SMCHD1: variants seen among roughly 807,000 people sequenced by gnomAD.
SMCHD1 encodes the protein structural maintenance of chromosomes flexible hinge domain containing 1, also known as structural maintenance of chromosomes flexible hinge domain-containing protein 1.
In SMCHD1, 78 loss-of-function variants were observed where a neutral mutation model predicts 254.7. The observed-to-expected ratio is 0.31, with a 90% CI of 0.26 to 0.37. SMCHD1 has a LOEUF of 0.37. Ranked by LOEUF, SMCHD1 falls within the 10% of genes least tolerant of loss-of-function variation. The pLI is 1.00. For missense variants in SMCHD1, 1,840 were observed against 2,408.1 expected (o/e 0.76, Z 4.94); for synonymous variants, 766 against 794.9 (o/e 0.96, Z 0.61).
intron 12 of SMCHD1, chr18:2,701,134 A>T: frequency 2.7e-6 from 1 of 366,194 alleles, no homozygotes; most frequent in East Asian, 4.1e-5. Context: ...AGGTTTGGAT[A>T]GAATTTACAT....
intron 37 of SMCHD1, among the ~76,000 whole-genome samples, chr18:2,766,872 T>C (rs2075877637): frequency 6.6e-6 from 1 of 152,188 alleles, no homozygotes; most frequent in Non-Finnish European, 1.5e-5. Context: ...TCTTGGTAGG[T>C]ATGCATCAGG....
intron 3 of SMCHD1, among the ~76,000 whole-genome samples, chr18:2,667,922 C>T (rs2073483010): frequency 6.6e-6 from 1 of 152,086 alleles, no homozygotes; most frequent in African/African-American, 2.4e-5. Flanking sequence ...CTCTGTCACC[C>T]TGGCTGGAGT....
chr18:2,661,829 G>A (rs2073264388), intron 1 of SMCHD1, among the ~76,000 whole-genome samples: 1 of 152,158 alleles, frequency 6.6e-6, no homozygotes, highest in Non-Finnish European at 1.5e-5. Flanking sequence ...ATTATATGCA[G>A]TTATCGTAGA....
chr18:2,681,128 G>A (rs537356987), intron 5 of SMCHD1, among the ~76,000 whole-genome samples: 22 of 152,092 alleles, frequency 1.4e-4, no homozygotes, highest in African/African-American at 5.1e-4. Flanking sequence ...TTAGCCAGGT[G>A]TAGTCCGGGC....
At chr18:2,778,812 G>A (rs1363666646) in intron 44 of SMCHD1, 1 of 152,358 alleles carries the variant, frequency 6.6e-6, no homozygotes, top group Non-Finnish European at 1.5e-5. Context: ...AAGGATACCA[G>A]TCATACTGGA....
chr18:2,715,095 A>G (rs552813610), intron 17 of SMCHD1, among the ~76,000 whole-genome samples: 5 of 152,202 alleles, frequency 3.3e-5, no homozygotes, highest in African/African-American at 1.2e-4. Flanking sequence ...CCTTTCTTGC[A>G]GTGTTTTTGC....
intron 45 of SMCHD1, among the ~76,000 whole-genome samples, chr18:2,787,470 G>A (rs1183207626): frequency 6.6e-6 from 1 of 152,180 alleles, no homozygotes; most frequent in Non-Finnish European, 1.5e-5. Context: ...GTGGGAAGAG[G>A]AGTCATACTT....
At chr18:2,695,850 G>T (rs1444487198) in intron 8 of SMCHD1, among the ~76,000 whole-genome samples, 2 of 152,040 alleles carry the variant, frequency 1.3e-5, no homozygotes, top group Non-Finnish European at 2.9e-5. Flanking sequence ...TTTGGTTTTA[G>T]GAATACCTTT....
At chr18:2,734,943 C>G (rs1028729386) in intron 25 of SMCHD1, among the ~76,000 whole-genome samples, 5 of 151,740 alleles carry the variant, frequency 3.3e-5, no homozygotes, top group Non-Finnish European at 5.9e-5. Flanking sequence ...TGGTGGCGGG[C>G]ACCTGTGATC....
rs750059350 is a variant in SMCHD1 at position 2,729,287 on chromosome 18, C to G, written c.2926C>G (p.Pro976Ala). 1 of 1,496,270 alleles carries G rather than the reference C, an allele frequency of 6.7e-7. No individual in the cohort carries two copies. The allele number at this position is 1,496,270 out of a possible 1,614,324, so 92.7% of individuals were successfully genotyped here. Residue 976 changes from proline (P) to alanine (A), a missense_variant, in exon 24 of 48, where the codon CCA becomes GCA. By Grantham distance (27) the Pro-to-Ala change is conservative. Transcript: ENST00000320876. ...ATCTTTCAAATAGTTTTCAGGTGCT[C>G]CAAACCTTCCAGTCTATGTTGTAGA... ...LIVHCKFSGA[P>A]NLPVYVVDCS... is the part of the protein sequence containing the mutation.
Position 2,666,201 on chromosome 18 carries a change from A to G in SMCHD1, c.231A>G (p.Thr77=), listed in dbSNP as rs1210033111. 6.4e-6 allele frequency: 10 copies of G among 1,555,072 alleles called. No individual in the cohort carries two copies. The highest frequency in any genetic ancestry group is 8.8e-6 in the Non-Finnish European group (10 of 1,132,454). Residue 77 remains threonine (T), a synonymous_variant, in exon 2 of 48, where the codon ACA becomes ACG. Transcript: ENST00000320876. ...SPEEKFVITT[T]SRKEITCDNF... Reference sequence around the variant, plus strand: ...AAGAAAAATTTGTTATTACAACAACAAGTAGGAAAGAAATTACCTGTGATA... The same window carrying G: ...AAGAAAAATTTGTTATTACAACAACGAGTAGGAAAGAAATTACCTGTGATA...
intron 47 of SMCHD1, among the ~76,000 whole-genome samples, chr18:2,798,771 C>T (rs1234089693): frequency 2.0e-5 from 3 of 152,134 alleles, no homozygotes; most frequent in Admixed American, 2.0e-4. Flanking sequence ...ATAGGTTTGC[C>T]ATAATTTTTT....
At chr18:2,712,193 A>G (rs911193355) in intron 17 of SMCHD1, among the ~76,000 whole-genome samples, 40 of 150,494 alleles carry the variant, frequency 2.7e-4, no homozygotes, top group African/African-American at 9.0e-4. Context: ...TTTTGCATCA[A>G]TATTCATAAG....
chr18:2,740,389 G>A (rs879442710), intron 27 of SMCHD1, among the ~76,000 whole-genome samples: 2 of 152,064 alleles, frequency 1.3e-5, no homozygotes, highest in Non-Finnish European at 2.9e-5. Flanking sequence ...TAACATACAT[G>A]TATGAATGGA....
chr18:2,779,961 C>T (rs374464833), intron 44 of SMCHD1, among the ~76,000 whole-genome samples: 20 of 152,008 alleles, frequency 1.3e-4, no homozygotes, highest in African/African-American at 4.3e-4. Context: ...AATAGGGCAC[C>T]GGGTACAGTG....
intron 33 of SMCHD1, among the ~76,000 whole-genome samples, chr18:2,752,203 A>G (rs531467930): frequency 3.9e-4 from 60 of 152,284 alleles, no homozygotes; most frequent in Non-Finnish European, 5.9e-5. Context: ...TGCTTGCTTA[A>G]TTTAGACCAT....
chr18:2,751,193 A>G, intron 32 of SMCHD1, 85 bp from the exon 33 acceptor site: 2 of 684,424 alleles, frequency 2.9e-6, no homozygotes, highest in Non-Finnish European at 5.0e-6. Flanking sequence ...TTTAAATAAG[A>G]TGTTTGCTTT....
At chr18:2,751,801 G>C (rs1340048530) in intron 33 of SMCHD1, among the ~76,000 whole-genome samples, 1 of 152,052 alleles carries the variant, frequency 6.6e-6, no homozygotes, top group Non-Finnish European at 1.5e-5. Flanking sequence ...ATCATACCTG[G>C]TGTTTCTGCT....
chr18:2,728,669 A>G lies in SMCHD1; in HGVS notation c.2913+73A>G, dbSNP rs536311653. The G allele has an allele frequency of 1.7e-5, 25 of 1,483,788 alleles. No homozygotes were observed. In the South Asian group the frequency reaches 2.4e-4, roughly 15 times the overall value. The allele number at this position is 1,483,788 out of a possible 1,614,324, so 91.9% of individuals were successfully genotyped here. On this transcript the variant is annotated intron_variant, in intron 23 of 47. Transcript: ENST00000320876. ...GCAATGACTATTTTAGCCACTTAAT[A>G]GTAAGTCTTACACAGGATTTAAGTC...
Sources: allele counts gnomAD v4.1 joint callset (sites outside exome capture counted in the v4.1 genomes callset), GRCh38; gene constraint gnomAD v4.1.1; transcripts MANE v1.5; gene names NCBI Gene and HGNC (gene_info 2026-07-23, HGNC 2026-07-21).